The following SMYD3 variants were observed in gnomAD, a reference collection of about 807,000 sequenced individuals.
SMYD3 encodes histone-lysine N-methyltransferase SMYD3.
Under a neutral mutation model 57.7 loss-of-function variants are expected in SMYD3, and 36 were observed. The ratio of observed to expected loss-of-function variants is 0.62; its 90% CI spans 0.48 to 0.82. SMYD3 has a LOEUF of 0.82. SMYD3 is among the 40% of genes least tolerant of loss of function. SMYD3 has a pLI of 0.00. For synonymous variants in SMYD3, 211 were observed against 195.0 expected, an observed-to-expected ratio of 1.08 and a Z score of -0.68; for missense variants, 515 against 538.8, an observed-to-expected ratio of 0.96 and a Z score of 0.44.
At chr1:245,763,901 A>T in intron 11 of SMYD3, 140 bp downstream of exon 11, 1 of 599,072 alleles carries the variant, frequency 1.7e-6, no homozygotes, top group South Asian at 2.6e-5. Flanking sequence ...AGTGGTTGTT[A>T]AACATTTACC....
At chr1:246,482,533 C>T (rs1436679570) in intron 1 of SMYD3, among the ~76,000 whole-genome samples, 2 of 152,096 alleles carry the variant, frequency 1.3e-5, no homozygotes, top group African/African-American at 2.4e-5. Context: ...AAGTTCAAAC[C>T]CTCTCCCTAA....
chr1:246,429,086 T>C (rs961877404), intron 1 of SMYD3, among the ~76,000 whole-genome samples: 3 of 148,302 alleles, frequency 2.0e-5, no homozygotes, highest in African/African-American at 7.4e-5. Flanking sequence ...CCAACCACCG[T>C]AGACAGGGAA....
intron 11 of SMYD3, among the ~76,000 whole-genome samples, chr1:245,751,934 T>C (rs1460747629): frequency 6.6e-6 from 1 of 152,200 alleles, no homozygotes; most frequent in African/African-American, 2.4e-5. Flanking sequence ...CTCTATGAGA[T>C]TCCCCTGGGC....
At chr1:246,372,544 T>C (rs2066210008) in intron 1 of SMYD3, among the ~76,000 whole-genome samples, 1 of 152,184 alleles carries the variant, frequency 6.6e-6, no homozygotes, top group South Asian at 2.1e-4. Flanking sequence ...GAATAGAGAT[T>C]TTGCATAGAG....
intron 5 of SMYD3, among the ~76,000 whole-genome samples, chr1:246,153,482 T>C (rs1361120815): frequency 6.6e-6 from 1 of 152,074 alleles, no homozygotes; most frequent in African/African-American, 2.4e-5. Context: ...GATTGGCCGA[T>C]TGCTTTTCAG....
At chr1:246,236,885 A>G (rs1176228810) in intron 5 of SMYD3, among the ~76,000 whole-genome samples, 1 of 152,108 alleles carries the variant, frequency 6.6e-6, no homozygotes, top group Non-Finnish European at 1.5e-5. Context: ...AAAATGCACA[A>G]AGACTGGGAA....
chr1:246,186,189 T>C (rs916135085), intron 5 of SMYD3, among the ~76,000 whole-genome samples: 1 of 152,204 alleles, frequency 6.6e-6, no homozygotes, highest in Non-Finnish European at 1.5e-5. Flanking sequence ...ATATAAAAGA[T>C]TTAACTCACT....
Position 245,878,728 on chromosome 1 carries a change from T to C in SMYD3, c.814-14842A>G, listed in dbSNP as rs377126870. 1.3e-4 allele frequency among the ~76,000 whole-genome samples: 20 copies of C among 152,276 alleles called. No individual in the cohort carries two copies. In the East Asian group the frequency reaches 3.7e-3, roughly 28 times the overall value. On this transcript the variant is annotated intron_variant, in intron 8 of 11. Transcript: ENST00000490107. ...GCCAGAAGCAGCCCCAGCACCTGTCTGCAGGATCCTGTGACTTTCACAGCC... is the reference window on the plus strand; with the variant it reads ...GCCAGAAGCAGCCCCAGCACCTGTCCGCAGGATCCTGTGACTTTCACAGCC...
chr1:246,269,519 TTTTC>T (rs909023780), intron 5 of SMYD3, among the ~76,000 whole-genome samples: 13 of 150,970 alleles, frequency 8.6e-5, no homozygotes, highest in South Asian at 4.3e-4. Flanking sequence ...AATATTATTG[TTTTC>T]TTTCTGTTTC....
At chr1:245,804,358 G>A (rs999862427) in intron 10 of SMYD3, among the ~76,000 whole-genome samples, 9 of 152,128 alleles carry the variant, frequency 5.9e-5, no homozygotes, top group East Asian at 1.9e-4. Flanking sequence ...CAAGGCAGGC[G>A]GATCACGAAG....
chr1:245,825,174 G>C (rs2049413571), intron 10 of SMYD3, among the ~76,000 whole-genome samples: 1 of 152,138 alleles, frequency 6.6e-6, no homozygotes, highest in African/African-American at 2.4e-5. Context: ...GACATTAAAG[G>C]AAGAAATTCC....
chr1:246,009,203 C>T (rs1441474934), intron 5 of SMYD3, among the ~76,000 whole-genome samples: 2 of 152,176 alleles, frequency 1.3e-5, no homozygotes, highest in South Asian at 2.1e-4. Context: ...CTTCAAGGCG[C>T]TCACAATGCT....
intron 5 of SMYD3, among the ~76,000 whole-genome samples, chr1:246,302,367 C>T (rs1169499045): frequency 1.3e-5 from 2 of 152,076 alleles, no homozygotes; most frequent in Non-Finnish European, 2.9e-5. Flanking sequence ...TCATAGCCAA[C>T]AAATTCCTTT....
intron 5 of SMYD3, among the ~76,000 whole-genome samples, chr1:246,088,123 C>T (rs559853391): frequency 3.9e-5 from 6 of 152,010 alleles, no homozygotes; most frequent in East Asian, 3.9e-4. Context: ...CTATCTACAG[C>T]GAGCGCCATG....
chr1:246,154,906 T>C (rs111971287), intron 5 of SMYD3, among the ~76,000 whole-genome samples: 1 of 151,922 alleles, frequency 6.6e-6, no homozygotes, highest in Non-Finnish European at 1.5e-5. Context: ...CTCAGCTTCA[T>C]AAGAAGCTGG....
chr1:246,164,213 G>C (rs982913411), intron 5 of SMYD3, among the ~76,000 whole-genome samples: 8 of 152,182 alleles, frequency 5.3e-5, no homozygotes, highest in Admixed American at 2.6e-4. Context: ...CTGAGGTCAG[G>C]AGTTCCAGAC....
intron 1 of SMYD3, among the ~76,000 whole-genome samples, chr1:246,406,093 A>AT (rs529374213): frequency 8.3e-4 from 121 of 145,300 alleles, no homozygotes; most frequent in East Asian, 4.2e-3. Flanking sequence ...TTAAAATGGG[A>AT]TTTTTTTTTT....
intron 5 of SMYD3, among the ~76,000 whole-genome samples, chr1:246,223,599 T>C (rs1337756721): frequency 6.6e-6 from 1 of 152,134 alleles, no homozygotes; most frequent in East Asian, 1.9e-4. Context: ...AAAGGACACC[T>C]AATACTCCTT....
chr1:245,934,787 C>T (rs994367960), intron 5 of SMYD3, among the ~76,000 whole-genome samples: 1 of 152,062 alleles, frequency 6.6e-6, no homozygotes, highest in Non-Finnish European at 1.5e-5. Context: ...ATAATAGAAA[C>T]AATGACCAAC....
Sources: allele counts gnomAD v4.1 joint callset (sites outside exome capture counted in the v4.1 genomes callset), GRCh38; gene constraint gnomAD v4.1.1; transcripts MANE v1.5; gene names NCBI Gene and HGNC (gene_info 2026-07-23, HGNC 2026-07-21).